The following FRYL variants were observed in gnomAD, a reference collection of about 807,000 sequenced individuals.
The protein encoded by FRYL is FRY like transcription coactivator.
Under a neutral mutation model 351.2 loss-of-function variants are expected in FRYL, and 150 were observed. The observed-to-expected ratio is 0.43, with a 90% confidence interval of 0.37 to 0.49. The LOEUF (loss-of-function observed/expected upper bound fraction) is 0.49, where lower values mean the gene tolerates loss of function less well. Ranked by LOEUF, FRYL falls within the 20% of genes least tolerant of loss-of-function variation. The pLI is 0.00. For synonymous variants in FRYL, 1,153 were observed against 1,257.1 expected (o/e 0.92, Z 1.75); for missense variants, 3,036 against 3,619.3 (o/e 0.84, Z 4.13).
intron 3 of FRYL, among the ~76,000 whole-genome samples, chr4:48,657,934 C>G (rs1759591495): frequency 1.3e-5 from 2 of 152,188 alleles, no homozygotes; most frequent in Admixed American, 1.3e-4. Flanking sequence ...CTTTTAATCA[C>G]CTTCCACTTA....
At chr4:48,622,991 C>A (rs1750973640) in intron 5 of FRYL, 135 bp downstream of exon 5, 1 of 604,972 alleles carries the variant, frequency 1.7e-6, no homozygotes, top group East Asian at 3.3e-5. Flanking sequence ...AAAAAACTAT[C>A]AAATCTAGAA....
At chr4:48,761,950 G>A (rs536862379) in intron 1 of FRYL, among the ~76,000 whole-genome samples, 3 of 152,258 alleles carry the variant, frequency 2.0e-5, no homozygotes, top group African/African-American at 7.2e-5. Context: ...AGTGATGACA[G>A]GAGGTGGGAC....
intron 22 of FRYL, among the ~76,000 whole-genome samples, chr4:48,579,924 C>T (rs935247975): frequency 6.6e-6 from 1 of 152,016 alleles, no homozygotes; most frequent in African/African-American, 2.4e-5. Context: ...ACACTAACTA[C>T]CCTGATTGGG....
At chr4:48,707,782 C>T (rs1219843654) in intron 2 of FRYL, among the ~76,000 whole-genome samples, 2 of 151,976 alleles carry the variant, frequency 1.3e-5, no homozygotes. Flanking sequence ...AAGAATCACA[C>T]CCTTCTCCCA....
At chr4:48,553,896 A>G (rs1474318234) in intron 35 of FRYL, among the ~76,000 whole-genome samples, 1 of 152,194 alleles carries the variant, frequency 6.6e-6, no homozygotes, top group Non-Finnish European at 1.5e-5. Context: ...ATGTGGATAT[A>G]CCACTTACTA....
At chr4:48,566,532 T>A (rs570648096) in intron 28 of FRYL, among the ~76,000 whole-genome samples, 6 of 152,324 alleles carry the variant, frequency 3.9e-5, no homozygotes, top group African/African-American at 1.4e-4. Context: ...CTTTCAAAGA[T>A]GAAAACAAGG....
chr4:48,500,233 C>G lies in FRYL; in HGVS notation c.8593-13G>C. ...ACATGTTGATGACCTAAAACAAATA[C>G]ATCTTTAAGGATCTATTCGTATGTT... On this transcript the variant is annotated splice_polypyrimidine_tract_variant and intron_variant, in intron 62 of 63. Coordinates refer to ENST00000358350, the MANE Select transcript of FRYL (RefSeq NM_015030.2). 6.6e-7 allele frequency: 1 copy of G among 1,526,034 alleles called. No homozygotes were observed. The highest frequency in any genetic ancestry group is 8.8e-7 in the Non-Finnish European group (1 of 1,135,362). 94.5% of individuals were successfully genotyped at this position (1,526,034 alleles called of 1,614,324 possible). A position where few individuals can be genotyped will look rare whatever the true frequency, so the allele number is the denominator to read the frequency against.
At position 48,620,627 on chromosome 4, in the gene FRYL, T is replaced by C. The variant is rs1750476260; in HGVS notation, c.314+12A>G. 1 of 1,605,764 alleles carries C rather than the reference T, an allele frequency of 6.2e-7. No homozygotes were observed. Among genetic ancestry groups the C allele is most frequent in the Non-Finnish European group, 8.5e-7 (1 of 1,174,706 alleles). The stretch of plus-strand genomic sequence containing the variant: ...TAATTCCAGGTGAAACAGTGTAAAA[T>C]AAAGCACTTACCCCTTAGACTTTGT... On this transcript the variant is annotated intron_variant, in intron 6 of 63. Coordinates refer to ENST00000358350, the MANE Select transcript of FRYL (RefSeq NM_015030.2).
chr4:48,501,085 C>CAA (rs35171463), intron 62 of FRYL, among the ~76,000 whole-genome samples: 5 of 75,326 alleles, frequency 6.6e-5, no homozygotes, highest in African/African-American at 1.0e-4. Flanking sequence ...GACTCTGCCT[C>CAA]AAAAAAAAAA....
At chr4:48,601,249 G>T (rs1221695881) in intron 13 of FRYL, among the ~76,000 whole-genome samples, 3 of 152,174 alleles carry the variant, frequency 2.0e-5, no homozygotes, top group Non-Finnish European at 4.4e-5. Flanking sequence ...TGTCATGTCT[G>T]CAATATTTCT....
chr4:48,557,843 T>A (rs1448862079), intron 33 of FRYL, 131 bp from the exon 34 acceptor site: 1 of 1,021,800 alleles, frequency 9.8e-7, no homozygotes, highest in African/African-American at 1.6e-5. Context: ...ATGAGTATTG[T>A]TTTTCCTTTT....
At chr4:48,692,806 G>A (rs1560868269) in intron 2 of FRYL, among the ~76,000 whole-genome samples, 1 of 152,114 alleles carries the variant, frequency 6.6e-6, no homozygotes, top group African/African-American at 2.4e-5. Flanking sequence ...TTGAAATATG[G>A]CAAGTACTTA....
chr4:48,505,569 T>C lies in FRYL; in HGVS notation c.8441A>G (p.Tyr2814Cys), dbSNP rs1720723896. The C allele has an allele frequency of 8.1e-6, 13 of 1,609,356 alleles. No individual in the cohort carries two copies. Among genetic ancestry groups the C allele is most frequent in the Non-Finnish European group, 1.1e-5 (13 of 1,176,978 alleles). The change falls in exon 60 of 64, where the codon TAT becomes TGT. Residue 2814 changes from tyrosine to cysteine, a missense_variant. Around this residue, in one of 7 missense-constraint regions of FRYL, gnomAD observed 1,987 missense variants for 2,311.7 expected, o/e 0.86. Coordinates refer to ENST00000358350, the MANE Select transcript of FRYL (RefSeq NM_015030.2). ...KRTFGAKEDMYRINTDAQQME... is the reference protein window; with the variant it reads ...KRTFGAKEDMCRINTDAQQME... ...TACTTGTGCATCTGTGTTTATCCTA[T>C]ACATGTCTTCTTTGGCACCAAATGT...
chr4:48,669,114 CTATT>C (rs1560826909), intron 3 of FRYL, among the ~76,000 whole-genome samples: 1 of 151,900 alleles, frequency 6.6e-6, no homozygotes, highest in Middle Eastern at 3.4e-3. Flanking sequence ...GTTTTACTTG[CTATT>C]TATTTAGCGA....
intron 3 of FRYL, among the ~76,000 whole-genome samples, chr4:48,674,857 G>A (rs1162900089): frequency 6.6e-6 from 1 of 151,524 alleles, no homozygotes; most frequent in East Asian, 1.9e-4. Context: ...GAAATTGGGG[G>A]AAAAACAGAT....
chr4:48,602,805 G>A (rs555381345), intron 12 of FRYL, among the ~76,000 whole-genome samples: 1 of 152,220 alleles, frequency 6.6e-6, no homozygotes, highest in African/African-American at 2.4e-5. Flanking sequence ...GTGATCCCCT[G>A]AGGTTACAAC....
At chr4:48,588,516 G>A (rs905486671) in intron 18 of FRYL, among the ~76,000 whole-genome samples, 12 of 152,204 alleles carry the variant, frequency 7.9e-5, no homozygotes, top group South Asian at 4.1e-4. Flanking sequence ...ACTGACCTGC[G>A]TACCCCACAT....
In FRYL at chr4:48,729,760, T is replaced by C. The variant is rs550342897; in HGVS notation, c.-383-19062A>G. On this transcript the variant is annotated intron_variant, in intron 1 of 63. Transcript: ENST00000358350. Reference sequence around the variant, plus strand: ...GGTCACCAACATCAAAGACCAAAGGTAGATAAAACCACAAAGATGGAGAGA... The same window carrying C: ...GGTCACCAACATCAAAGACCAAAGGCAGATAAAACCACAAAGATGGAGAGA... 3.3e-5 allele frequency among the ~76,000 whole-genome samples: 5 copies of C among 151,926 alleles called. No homozygotes were observed. In the East Asian group the frequency reaches 7.8e-4, roughly 24 times the overall value.
intron 1 of FRYL, among the ~76,000 whole-genome samples, chr4:48,771,355 C>T (rs1775488317): frequency 1.3e-5 from 2 of 152,304 alleles, no homozygotes; most frequent in African/African-American, 4.8e-5. Flanking sequence ...ACAGACACAT[C>T]TGGCTATTTT....
Sources: allele counts gnomAD v4.1 joint callset (sites outside exome capture counted in the v4.1 genomes callset), GRCh38; gene constraint gnomAD v4.1.1; regional missense constraint gnomAD v4.1.1; transcripts MANE v1.5; gene names NCBI Gene and HGNC (gene_info 2026-07-23, HGNC 2026-07-21).